Variants in IL3RA observed in about 807,000 individuals in gnomAD.
IL3RA encodes interleukin-3 receptor subunit alpha.
IL3RA carries 73 observed loss-of-function variants against 52.3 expected under a neutral mutation model. The observed-to-expected ratio is 1.40, with a 90% CI of 1.16 to 1.70. IL3RA has a LOEUF of 1.70. Among genes scored for constraint, IL3RA ranks in the 40% most tolerant of loss-of-function variants. The pLI, the probability that IL3RA is intolerant of heterozygous loss-of-function variation, is 0.00. For missense variants in IL3RA, 664 were observed against 504.4 expected (o/e 1.32, Z -3.03); for synonymous variants, 260 against 194.0 (o/e 1.34, Z -2.83).
chrX:1,357,531 T>G (rs1248258344), intron 7 of IL3RA, among the ~76,000 whole-genome samples: 2 of 151,388 alleles, frequency 1.3e-5, no homozygotes, highest in Non-Finnish European at 2.9e-5. Context: ...GGCTAATTTT[T>G]TTTTGTATTT....
chrX:1,377,341 G>A (rs1425993510), intron 9 of IL3RA, among the ~76,000 whole-genome samples: 1 of 151,712 alleles, frequency 6.6e-6, no homozygotes, highest in African/African-American at 2.4e-5. Context: ...CGCAGGTTCA[G>A]GCCATTCTCC....
intron 9 of IL3RA, among the ~76,000 whole-genome samples, chrX:1,368,083 C>A (rs1174672704): frequency 6.6e-6 from 1 of 152,018 alleles, no homozygotes; most frequent in Non-Finnish European, 1.5e-5. Flanking sequence ...CACGGTGAAA[C>A]CCGGTCTCTA....
chrX:1,376,838 C>G (rs1408294843), intron 9 of IL3RA, among the ~76,000 whole-genome samples: 1 of 72,612 alleles, frequency 1.4e-5, no homozygotes, highest in Non-Finnish European at 2.4e-5. Context: ...GATGAGGACA[C>G]AGACACACAC....
intron 2 of IL3RA, among the ~76,000 whole-genome samples, chrX:1,344,009 T>G (rs1395369745): frequency 1.3e-5 from 2 of 151,970 alleles, no homozygotes; most frequent in Non-Finnish European, 2.9e-5. Context: ...TTAGCCAGGA[T>G]GGTCTTGATC....
intron 8 of IL3RA, among the ~76,000 whole-genome samples, chrX:1,361,489 T>C (rs1253746003): frequency 7.9e-5 from 12 of 152,082 alleles, no homozygotes; most frequent in Non-Finnish European, 1.6e-4. Context: ...CAGTGACTCA[T>C]GCCTGTAATC....
At chrX:1,380,982 G>A (rs369783322) in intron 10 of IL3RA, 41 bp from the exon 11 acceptor site, 41 of 1,530,186 alleles carry the variant, frequency 2.7e-5, no homozygotes, top group Admixed American at 3.3e-5. Flanking sequence ...TGAGCTGGTC[G>A]GTTTTGGGTT....
At chrX:1,345,505 T>C in intron 3 of IL3RA, 71 bp downstream of exon 3, 1 of 1,104,834 alleles carries the variant, frequency 9.1e-7, no homozygotes, top group Non-Finnish European at 1.2e-6. Context: ...TTATTTATTT[T>C]TTGAGACGGA....
At chrX:1,349,250 C>T (rs1189320074) in intron 4 of IL3RA, among the ~76,000 whole-genome samples, 20 of 150,384 alleles carry the variant, frequency 1.3e-4, no homozygotes, top group Non-Finnish European at 2.4e-4. Context: ...GGCGCGATCT[C>T]GGCTCACTGC....
rs1390599967 is a variant in IL3RA, at chrX:1,382,422, A to G, written c.1094A>G (p.Glu365Gly). The change falls in exon 12 of 12, where the codon GAG becomes GGG. Residue 365 changes from glutamate (E) to glycine (G), a missense_variant. Physicochemically the swap from Glu to Gly is moderately conservative, Grantham distance 98. Transcript: ENST00000331035. ...VVWEAGKAGL[E>G]ECLVTEVQVV... ...TGGGAGGCGGGCAAAGCCGGCCTGG[A>G]GGAGTGTCTGGTGACTGAAGTACAG... 6.2e-7 allele frequency: 1 copy of G among 1,613,632 alleles called. No homozygotes were observed. Among genetic ancestry groups the G allele is most frequent in the Admixed American group, 1.7e-5 (1 of 59,966 alleles).
At chrX:1,348,686 CTTTCTTTTTCTTTCTTTCTG>C (rs1569520722) in intron 4 of IL3RA, 141 bp downstream of exon 4, 86 of 469,012 alleles carry the variant, frequency 1.8e-4, no homozygotes, top group Middle Eastern at 5.6e-4. Context: ...TTCTTTCTTT[CTTTCTTTTTCTTTCTTTCTG>C]TTTCTGTTTC....
intron 9 of IL3RA, among the ~76,000 whole-genome samples, chrX:1,370,273 T>G (rs1469836487): frequency 4.2e-5 from 1 of 23,800 alleles, no homozygotes; most frequent in Non-Finnish European, 6.3e-5. Context: ...CAGCCTGAGA[T>G]GGACTAAGCC....
chrX:1,343,075 A>G (rs1433155993), intron 2 of IL3RA, among the ~76,000 whole-genome samples: 1 of 151,830 alleles, frequency 6.6e-6, no homozygotes, highest in Admixed American at 6.6e-5. Flanking sequence ...ACTCCGTCTC[A>G]AAATGAATGA....
intron 3 of IL3RA, among the ~76,000 whole-genome samples, chrX:1,347,043 G>GAA (rs112332272): frequency 8.0e-5 from 12 of 149,670 alleles, no homozygotes; most frequent in Admixed American, 2.0e-4. Flanking sequence ...CACAAATGCT[G>GAA]AAAAAAAAAC....
In IL3RA at chrX:1,370,764, G is replaced by C. The variant is rs1488036766; in HGVS notation, c.874+5512G>C. 4.4e-5 allele frequency among the ~76,000 whole-genome samples: 3 copies of C among 67,504 alleles called. 1 individual carries two copies. The highest frequency in any genetic ancestry group is 7.9e-5 in the Non-Finnish European group (3 of 37,840). The allele number at this position is 67,504 out of a possible 152,430, so 44.3% of individuals were successfully genotyped here. A position where few individuals can be genotyped will look rare whatever the true frequency, so the allele number is the denominator to read the frequency against. Reference sequence around the variant, plus strand: ...TGGACTAAGCCATCTCATAAGAAGAGACGAGGACACAGACACACAGAGAGG... The same window carrying C: ...TGGACTAAGCCATCTCATAAGAAGACACGAGGACACAGACACACAGAGAGG... On this transcript the variant is annotated intron_variant, in intron 9 of 11. Transcript: ENST00000331035.
intron 6 of IL3RA, 99 bp downstream of exon 6, chrX:1,352,605 A>C: frequency 8.0e-7 from 1 of 1,248,566 alleles, no homozygotes; most frequent in Non-Finnish European, 1.1e-6. Flanking sequence ...CCCAACGCAG[A>C]CGTTGGCCTC....
chrX:1,377,731 T>TTG (rs2088878957), intron 9 of IL3RA, among the ~76,000 whole-genome samples: 1 of 148,346 alleles, frequency 6.7e-6, no homozygotes, highest in Non-Finnish European at 1.5e-5. Context: ...AGTGGCGCGA[T>TTG]CACGGCTCAC....
At chrX:1,348,215 T>A (rs372831582) in intron 3 of IL3RA, among the ~76,000 whole-genome samples, 1 of 149,788 alleles carries the variant, frequency 6.7e-6, no homozygotes, top group African/African-American at 2.5e-5. Context: ...TAGCTGGGCG[T>A]GGTGGCGGGC....
intron 4 of IL3RA, among the ~76,000 whole-genome samples, chrX:1,351,235 T>C (rs1488555383): frequency 6.6e-6 from 1 of 152,152 alleles, no homozygotes; most frequent in Non-Finnish European, 1.5e-5. Context: ...TAAAAGAATA[T>C]GCAGGATCTC....
At chrX:1,367,928 G>C (rs1222362865) in intron 9 of IL3RA, among the ~76,000 whole-genome samples, 4 of 151,902 alleles carry the variant, frequency 2.6e-5, no homozygotes, top group Non-Finnish European at 5.9e-5. Flanking sequence ...TGAACCCGAC[G>C]GTGAACTCAC....
Sources: allele counts gnomAD v4.1 joint callset (sites outside exome capture counted in the v4.1 genomes callset), GRCh38; gene constraint gnomAD v4.1.1; transcripts MANE v1.5; gene names NCBI Gene and HGNC (gene_info 2026-07-23, HGNC 2026-07-21).